KIF11: variants seen among roughly 807,000 people sequenced by gnomAD.
KIF11 encodes kinesin family member 11.
In KIF11, 9 loss-of-function variants were observed where a neutral mutation model predicts 121.0. The observed-to-expected ratio is 0.07, with a 90% confidence interval of 0.04 to 0.13. The LOEUF (loss-of-function observed/expected upper bound fraction) is 0.13. Among genes scored for constraint, KIF11 ranks in the 10% least tolerant of loss-of-function variants. The pLI, the probability that KIF11 is intolerant of heterozygous loss-of-function variation, is 1.00. For missense variants in KIF11, 846 were observed against 1,217.5 expected (o/e 0.69, Z 4.54); for synonymous variants, 408 against 421.0 (o/e 0.97, Z 0.38).
chr10:92,613,174 T>C lies in KIF11; in HGVS notation c.789+44T>C. ...ACTACTGTTTCACTCTTAAACACCTTATAGAGCAGCTTGAAATTTTGTCCT... is the reference window on the plus strand; with the variant it reads ...ACTACTGTTTCACTCTTAAACACCTCATAGAGCAGCTTGAAATTTTGTCCT... On this transcript the variant is annotated intron_variant, in intron 7 of 21. Transcript: ENST00000260731. This position sits in a 1 kb window ranked among gnomAD's most constrained non-coding sequence, Gnocchi z 4.2. 7.0e-7 allele frequency: 1 copy of C among 1,429,642 alleles called. No homozygotes were observed. Among genetic ancestry groups the C allele is most frequent in the East Asian group, 2.3e-5 (1 of 43,684 alleles). The allele number at this position is 1,429,642 out of a possible 1,614,324, so 88.6% of individuals were successfully genotyped here.
chr10:92,633,537 C>T (rs1844761108), intron 13 of KIF11, 86 bp from the exon 14 acceptor site: 1 of 941,836 alleles, frequency 1.1e-6, no homozygotes, highest in East Asian at 2.5e-5. Context: ...CAAGGGTATA[C>T]TTTTGTCAAC....
At position 92,654,857 on chromosome 10, in the gene KIF11, T is replaced by C. The variant is rs929857111; in HGVS notation, c.*1061T>C. ...GGAGACCACCCAGACATCTGACTAA[T>C]GGCTCTGTGCCCACACTCCAAGACC... On this transcript the variant is annotated 3_prime_UTR_variant, in exon 22 of 22. Coordinates refer to ENST00000260731, the MANE Select transcript of KIF11 (RefSeq NM_004523.4). 2.0e-5 allele frequency: 3 copies of C among 152,662 alleles called. No individual in the cohort carries two copies. The highest frequency in any genetic ancestry group is 7.2e-5 in the African/African-American group (3 of 41,460). The allele number at this position is 152,662 out of a possible 1,614,324, so 9.5% of individuals were successfully genotyped here. A position where few individuals can be genotyped will look rare whatever the true frequency, so the allele number is the denominator to read the frequency against.
Position 92,613,372 on chromosome 10 carries a change from TA to T in KIF11, c.790-2del. 6.3e-7 allele frequency: 1 copy of T among 1,578,562 alleles called. No homozygotes were observed. Among genetic ancestry groups the T allele is most frequent in the Non-Finnish European group, 8.6e-7 (1 of 1,161,286 alleles). ...CACTTTTTATTTTTATTTTTAAAAT[TA>T]AAGGTTGATCTTGCAGGAAGTGAAA... On this transcript the variant is annotated splice_region_variant and splice_polypyrimidine_tract_variant and intron_variant, in intron 7 of 21. Transcript: ENST00000260731. This position sits in a 1 kb window ranked among gnomAD's most constrained non-coding sequence, Gnocchi z 4.2.
chr10:92,633,537 CT>C (rs1201031822), intron 13 of KIF11, 85 bp from the exon 14 acceptor site: 2 of 941,718 alleles, frequency 2.1e-6, no homozygotes, highest in Non-Finnish European at 3.3e-6. Context: ...CAAGGGTATA[CT>C]TTTGTCAACT....
chr10:92,643,995 T>A (rs1419180265), intron 17 of KIF11, among the ~76,000 whole-genome samples: 1 of 152,178 alleles, frequency 6.6e-6, no homozygotes, highest in East Asian at 1.9e-4. Context: ...AAAAAGTATG[T>A]CCTACTTTTT....
rs751190216 is a variant in KIF11, at chr10:92,593,468, A to C, written c.77+16A>C. 1.9e-6 allele frequency: 3 copies of C among 1,603,460 alleles called. No individual in the cohort carries two copies. Among genetic ancestry groups the C allele is most frequent in the Non-Finnish European group, 2.6e-6 (3 of 1,175,164 alleles). ...TGAGATGCAGGTAGGGAGAGGGCTGACAGGATTCCGAGCGCTGCGGCTTCG... is the reference window on the plus strand; with the variant it reads ...TGAGATGCAGGTAGGGAGAGGGCTGCCAGGATTCCGAGCGCTGCGGCTTCG... On this transcript the variant is annotated intron_variant, in intron 1 of 21. Coordinates refer to ENST00000260731, the MANE Select transcript of KIF11 (RefSeq NM_004523.4).
At position 92,653,860 on chromosome 10, in the gene KIF11, A is replaced by C; in HGVS notation, c.*64A>C. On this transcript the variant is annotated 3_prime_UTR_variant, in exon 22 of 22. Transcript: ENST00000260731. ...TTAAAAATAAAACCTGAAACCCCAG[A>C]ACTTGAGCCTTGTGTATAGATTTTA... is the stretch of plus-strand genomic sequence containing the variant. 1 of 1,423,898 alleles carries C rather than the reference A, an allele frequency of 7.0e-7. No homozygotes were observed. Among genetic ancestry groups the C allele is most frequent in the Non-Finnish European group, 9.7e-7 (1 of 1,028,022 alleles). The allele number at this position is 1,423,898 out of a possible 1,614,324, so 88.2% of individuals were successfully genotyped here. A position where few individuals can be genotyped will look rare whatever the true frequency, so the allele number is the denominator to read the frequency against.
intron 4 of KIF11, among the ~76,000 whole-genome samples, chr10:92,608,264 A>G (rs1335711678): frequency 6.6e-6 from 1 of 151,558 alleles, no homozygotes; most frequent in East Asian, 1.9e-4. Flanking sequence ...GGCACATACT[A>G]CCTTGCCCAG....
Position 92,613,745 on chromosome 10 carries a change from A to C in KIF11, c.1032+126A>C. The C allele has an allele frequency of 1.1e-6, 1 of 887,678 alleles. No homozygotes were observed. Among genetic ancestry groups the C allele is most frequent in the Non-Finnish European group, 1.7e-6 (1 of 598,614 alleles). 55.0% of individuals were successfully genotyped at this position (887,678 alleles called of 1,614,324 possible). A position where few individuals can be genotyped will look rare whatever the true frequency, so the allele number is the denominator to read the frequency against. On this transcript the variant is annotated intron_variant, in intron 8 of 21. Coordinates refer to ENST00000260731, the MANE Select transcript of KIF11 (RefSeq NM_004523.4). This position sits in a 1 kb window ranked among gnomAD's most constrained non-coding sequence, Gnocchi z 4.2. ...ACACCTGTAAACCCAGCACTTTGGA[A>C]GTCCAAGGTGGGCGGATCACTTGAG...
Position 92,650,401 on chromosome 10 carries a change from G to T in KIF11, c.2923G>T (p.Asp975Tyr). 1.3e-6 allele frequency: 2 copies of T among 1,579,184 alleles called. No individual in the cohort carries two copies. The highest frequency in any genetic ancestry group is 1.7e-6 in the Non-Finnish European group (2 of 1,148,176). The change falls in exon 21 of 22, where the codon GAT becomes TAT. Residue 975 changes from aspartate to tyrosine, a missense_variant and splice_region_variant. Physicochemically the swap from Asp to Tyr is radical, Grantham distance 160. This residue lies in a region of KIF11 where 492 missense variants were observed against 603.4 expected (regional missense o/e 0.82). Transcript: ENST00000260731. ...TCACTCATCCAGTTTCTTCTTTTAG[G>T]ATGTGGATGTAGAAGAGGCAGTTCT... The part of the protein sequence containing the change: ...SENNKEETIP[D>Y]VDVEEAVLGQ...
chr10:92,624,637 C>T (rs1844652219), intron 10 of KIF11, among the ~76,000 whole-genome samples: 1 of 152,130 alleles, frequency 6.6e-6, no homozygotes, highest in Non-Finnish European at 1.5e-5. Flanking sequence ...GTTGATTCCA[C>T]GTCTTTGCTG....
chr10:92,622,341 G>A (rs1227795152), intron 10 of KIF11, among the ~76,000 whole-genome samples: 2 of 151,656 alleles, frequency 1.3e-5, no homozygotes, highest in Non-Finnish European at 2.9e-5. Context: ...TAGGCTGGGC[G>A]CCGTGGCTCA....
chr10:92,609,040 T>A lies in KIF11; in HGVS notation c.408T>A (p.Ile136=). ...TWEEDPLAGI[I]PRTLHQIFEK... ...TTCAGGATCCCTTGGCTGGTATAATTCCACGTACCCTTCATCAAATTTTTG... is the reference window on the plus strand; with the variant it reads ...TTCAGGATCCCTTGGCTGGTATAATACCACGTACCCTTCATCAAATTTTTG... The change falls in exon 5 of 22, where the codon ATT becomes ATA. Residue 136 remains isoleucine (I), a synonymous_variant. Transcript: ENST00000260731. The A allele has an allele frequency of 6.3e-7, 1 of 1,576,474 alleles. No homozygotes were observed. Among genetic ancestry groups the A allele is most frequent in the Non-Finnish European group, 8.6e-7 (1 of 1,163,562 alleles).
rs1844821409 is a variant in KIF11 at position 92,637,618 on chromosome 10, T to C, written c.2160+73T>C. On this transcript the variant is annotated intron_variant, in intron 16 of 21. Coordinates refer to ENST00000260731, the MANE Select transcript of KIF11 (RefSeq NM_004523.4). ...TGATTTGATATGACTTGATAATTAA[T>C]CTATGTTACACAATCTGAATACTGT... 1.9e-5 allele frequency: 27 copies of C among 1,412,792 alleles called. 1 individual carries two copies. Among genetic ancestry groups the C allele is most frequent in the Non-Finnish European group, 2.6e-5 (27 of 1,030,770 alleles). The allele number at this position is 1,412,792 out of a possible 1,614,324, so 87.5% of individuals were successfully genotyped here.
intron 14 of KIF11, among the ~76,000 whole-genome samples, chr10:92,634,314 A>T (rs1465397020): frequency 7.2e-6 from 1 of 138,744 alleles, no homozygotes; most frequent in Non-Finnish European, 1.5e-5. Flanking sequence ...GTATTTATTT[A>T]TTTTTTTCAG....
chr10:92,596,949 C>T (rs1844303644), intron 1 of KIF11: 1 of 331,100 alleles, frequency 3.0e-6, no homozygotes, highest in Non-Finnish European at 6.2e-6. Context: ...GAAACCAGGC[C>T]TACCCAGCAC....
intron 1 of KIF11, among the ~76,000 whole-genome samples, chr10:92,598,165 C>A (rs1290939828): frequency 2.0e-5 from 3 of 152,150 alleles, no homozygotes; most frequent in African/African-American, 7.2e-5. Flanking sequence ...TCCAAGAAAT[C>A]ATTGCCAAAT....
chr10:92,616,206 TG>T (rs1485147460), intron 8 of KIF11, among the ~76,000 whole-genome samples: 70 of 151,762 alleles, frequency 4.6e-4, no homozygotes, highest in South Asian at 1.5e-3. Flanking sequence ...TGTTTTGTTT[TG>T]TTTTTTTGTT....
At chr10:92,651,369 CTT>C (rs1263266528) in intron 21 of KIF11, among the ~76,000 whole-genome samples, 2 of 148,622 alleles carry the variant, frequency 1.3e-5, no homozygotes, top group Non-Finnish European at 3.0e-5. Flanking sequence ...GAGCTTCGCT[CTT>C]GTTTCCCAGG....
Sources: gnomAD v4.1 joint callset for allele counts (sites outside exome capture counted in the v4.1 genomes callset) on GRCh38, gnomAD v4.1.1 for gene constraint, gnomAD v4.1.1 regional missense constraint, Gnocchi (gnomAD v3.1) non-coding constraint, MANE v1.5 for transcripts, NCBI Gene and HGNC (gene_info 2026-07-23, HGNC 2026-07-21) for gene names.